Variants in ATP10A observed in about 807,000 individuals in gnomAD.
ATP10A encodes the protein phospholipid-transporting ATPase VA.
In ATP10A, 111 loss-of-function variants were observed where a neutral mutation model predicts 147.8. The observed-to-expected ratio is 0.75, with a 90% CI of 0.64 to 0.88. ATP10A has a LOEUF of 0.88. Among genes scored for constraint, ATP10A ranks in the 40% least tolerant of loss-of-function variants. The pLI is 0.00. For synonymous variants in ATP10A, 875 were observed against 841.6 expected (o/e 1.04, Z -0.69); for missense variants, 1,927 against 1,959.0 (o/e 0.98, Z 0.31).
intron 15 of ATP10A, among the ~76,000 whole-genome samples, chr15:25,689,206 C>T (rs956873549): frequency 1.3e-5 from 2 of 152,246 alleles, no homozygotes; most frequent in African/African-American, 2.4e-5. Flanking sequence ...CTTGTCCTTC[C>T]GTCAAAGTGG....
At chr15:25,707,595 T>C (rs1401871334) in intron 12 of ATP10A, among the ~76,000 whole-genome samples, 1 of 152,220 alleles carries the variant, frequency 6.6e-6, no homozygotes, top group East Asian at 1.9e-4. Flanking sequence ...CTCGAATCTG[T>C]GAAACATTCC....
At chr15:25,739,704 C>A (rs541736110) in intron 2 of ATP10A, among the ~76,000 whole-genome samples, 2 of 152,206 alleles carry the variant, frequency 1.3e-5, no homozygotes, top group Admixed American at 6.5e-5. Context: ...AAGCAGACAC[C>A]GTGAAGGGTT....
intron 12 of ATP10A, among the ~76,000 whole-genome samples, chr15:25,705,258 C>T (rs781053304): frequency 2.4e-4 from 37 of 151,572 alleles, no homozygotes; most frequent in Non-Finnish European, 4.9e-4. Flanking sequence ...CTGAGTGAGA[C>T]CCTGTCTCTA....
intron 2 of ATP10A, among the ~76,000 whole-genome samples, chr15:25,766,346 C>A (rs920712697): frequency 2.0e-5 from 3 of 152,134 alleles, no homozygotes; most frequent in African/African-American, 7.2e-5. Context: ...TCTTGGATTA[C>A]AAGCTAGCAA....
chr15:25,674,056 A>G (rs1247175967), downstream of ATP10A, among the ~76,000 whole-genome samples: 1 of 152,202 alleles, frequency 6.6e-6, no homozygotes, highest in East Asian at 1.9e-4. Context: ...TACACTGATG[A>G]AAAGAACGTG....
chr15:25,786,615 A>ATTTT (rs1890170247), intron 1 of ATP10A, among the ~76,000 whole-genome samples: 1 of 98,098 alleles, frequency 1.0e-5, no homozygotes, highest in African/African-American at 4.3e-5. Context: ...CATCATTATC[A>ATTTT]TCTTTTTTTT....
intron 1 of ATP10A, among the ~76,000 whole-genome samples, chr15:25,801,473 G>C (rs1890935544): frequency 5.9e-5 from 9 of 152,188 alleles, no homozygotes; most frequent in Admixed American, 5.9e-4. Context: ...ATGTTAAGGT[G>C]CATGCAGCGC....
rs1345044346 is a variant in ATP10A, at chr15:25,862,795, G to A, written c.302C>T (p.Pro101Leu). Reference sequence around the variant, plus strand: ...GCCGGGCTGGAAGGCGTTCACCGCCGGCACGAAGTTGAGCAGCGCGATGAA... The same window carrying A: ...GCCGGGCTGGAAGGCGTTCACCGCCAGCACGAAGTTGAGCAGCGCGATGAA... ...FVFIALLNFV[P>L]AVNAFQPGLA... Residue 101 changes from proline (P) to leucine (L), a missense_variant, in exon 1 of 21, where the codon CCG becomes CTG. Coordinates refer to ENST00000555815, the MANE Select transcript of ATP10A (RefSeq NM_024490.4). 2 of 1,610,492 alleles carry A rather than the reference G, an allele frequency of 1.2e-6. No individual in the cohort carries two copies. Among genetic ancestry groups the A allele is most frequent in the Admixed American group, 1.7e-5 (1 of 59,660 alleles).
chr15:25,706,951 A>G (rs1257357017), intron 12 of ATP10A, among the ~76,000 whole-genome samples: 3 of 152,162 alleles, frequency 2.0e-5, no homozygotes, highest in Admixed American at 6.5e-5. Flanking sequence ...TGCTTTAGTA[A>G]GCCAAAACTT....
chr15:25,861,147 G>A (rs1893742376), intron 1 of ATP10A, among the ~76,000 whole-genome samples: 1 of 110,248 alleles, frequency 9.1e-6, no homozygotes, highest in African/African-American at 2.5e-5. Context: ...TTGGGAGCAG[G>A]CAGAGTGGTG....
At chr15:25,851,654 T>G (rs1397541017) in intron 1 of ATP10A, among the ~76,000 whole-genome samples, 1 of 152,178 alleles carries the variant, frequency 6.6e-6, no homozygotes, top group Non-Finnish European at 1.5e-5. Flanking sequence ...TCCTCAAAAT[T>G]CTCAGTGGGG....
chr15:25,834,061 C>T (rs1035040087), intron 1 of ATP10A, among the ~76,000 whole-genome samples: 1 of 151,806 alleles, frequency 6.6e-6, no homozygotes, highest in Non-Finnish European at 1.5e-5. Context: ...CTATTATATG[C>T]TATTAACTAC....
At chr15:25,843,703 G>A (rs986747209) in intron 1 of ATP10A, among the ~76,000 whole-genome samples, 2 of 152,094 alleles carry the variant, frequency 1.3e-5, no homozygotes, top group African/African-American at 4.8e-5. Flanking sequence ...AAGGAAAACT[G>A]GTCCCCTGTA....
intron 1 of ATP10A, among the ~76,000 whole-genome samples, chr15:25,845,201 C>T (rs1389935430): frequency 6.6e-6 from 1 of 152,298 alleles, no homozygotes; most frequent in South Asian, 2.1e-4. Flanking sequence ...GGAATCTGGG[C>T]ACGCACAAGG....
At chr15:25,700,124 T>C (rs1381575772) in intron 13 of ATP10A, among the ~76,000 whole-genome samples, 1 of 152,212 alleles carries the variant, frequency 6.6e-6, no homozygotes, top group African/African-American at 2.4e-5. Context: ...AATAAGCACA[T>C]GGAAAGATGT....
At chr15:25,768,176 AG>A (rs1889128752) in intron 2 of ATP10A, among the ~76,000 whole-genome samples, 1 of 152,158 alleles carries the variant, frequency 6.6e-6, no homozygotes, top group Non-Finnish European at 1.5e-5. Flanking sequence ...GACCCTTCAC[AG>A]GACACAGCAC....
intron 10 of ATP10A, among the ~76,000 whole-genome samples, chr15:25,713,050 T>A (rs1030816341): frequency 6.6e-6 from 1 of 152,124 alleles, no homozygotes; most frequent in Non-Finnish European, 1.5e-5. Flanking sequence ...GTGCAGCAAA[T>A]AGGAAGCCCG....
downstream of ATP10A, among the ~76,000 whole-genome samples, chr15:25,675,931 A>G (rs2925302): frequency 0.39 from 58,485 of 151,218 alleles, 11,438 homozygotes; most frequent in Admixed American, 0.46. Context: ...GGGCAACAGA[A>G]TGAGACCCCG....
Position 25,863,147 on chromosome 15 carries a change from C to T in ATP10A, c.-51G>A, listed in dbSNP as rs1893852757. On this transcript the variant is annotated 5_prime_UTR_variant, in exon 1 of 21. Coordinates refer to ENST00000555815, the MANE Select transcript of ATP10A (RefSeq NM_024490.4). ...CTCCGCCGCTCACGCCCGCCCGCGC[C>T]GGCCTCTTAGGTTATCATCACTCGC... 2 of 1,098,844 alleles carry T rather than the reference C, an allele frequency of 1.8e-6. No individual in the cohort carries two copies. The highest frequency in any genetic ancestry group is 5.4e-5 in the East Asian group (1 of 18,422). 68.1% of individuals were successfully genotyped at this position (1,098,844 alleles called of 1,614,324 possible). A position where few individuals can be genotyped will look rare whatever the true frequency, so the allele number is the denominator to read the frequency against.
Sources: gnomAD v4.1 joint callset for allele counts (sites outside exome capture counted in the v4.1 genomes callset) on GRCh38, gnomAD v4.1.1 for gene constraint, MANE v1.5 for transcripts, NCBI Gene and HGNC (gene_info 2026-07-23, HGNC 2026-07-21) for gene names.